The following DCAF8L2 variants were observed in gnomAD, a reference collection of about 807,000 sequenced individuals.
The protein encoded by DCAF8L2 is DDB1 and CUL4 associated factor 8 like 2.
For synonymous variants in DCAF8L2, 200 were observed against 190.9 expected (o/e 1.05, Z -0.39); for missense variants, 430 against 490.7 (o/e 0.88, Z 1.17).
At chrX:27,530,649 C>A in the DCAF8L2 span, among the ~76,000 whole-genome samples, 8 of 111,433 alleles carry the variant, frequency 7.2e-5, no homozygotes, top group East Asian at 2.0e-3. Flanking sequence ...AGGATGGAGA[C>A]AAATTGATGT....
intron 1 of DCAF8L2, among the ~76,000 whole-genome samples, chrX:27,597,656 C>T (rs770246255): frequency 2.2e-4 from 25 of 112,102 alleles, no homozygotes; most frequent in African/African-American, 8.1e-4. Context: ...GAATGAATCG[C>T]ATTCCATTTT....
the DCAF8L2 span, among the ~76,000 whole-genome samples, chrX:27,575,247 C>T: frequency 9.0e-6 from 1 of 111,255 alleles, no homozygotes; most frequent in African/African-American, 3.3e-5. Context: ...CCTCGATGTC[C>T]TCTCATCGTC....
At chrX:27,542,054 C>T in the DCAF8L2 span, among the ~76,000 whole-genome samples, 48,500 of 103,078 alleles carry the variant, frequency 0.47, 8,913 homozygotes, top group South Asian at 0.75. Flanking sequence ...GCATAGTATT[C>T]CATAGTACAT....
At chrX:27,537,443 T>C in the DCAF8L2 span, among the ~76,000 whole-genome samples, 4 of 112,576 alleles carry the variant, frequency 3.6e-5, no homozygotes, top group East Asian at 1.1e-3. Context: ...GAAATTCTAG[T>C]TAAAGTTTGA....
chrX:27,541,184 G>T, the DCAF8L2 span, among the ~76,000 whole-genome samples: 13 of 111,305 alleles, frequency 1.2e-4, 1 homozygote, highest in African/African-American at 4.2e-4. Flanking sequence ...AGGGGAAATT[G>T]TCAATTTTTG....
At chrX:27,651,035 C>A in intron 2 of DCAF8L2, among the ~76,000 whole-genome samples, 1 of 111,707 alleles carries the variant, frequency 9.0e-6, no homozygotes, top group Non-Finnish European at 1.9e-5. Context: ...AAGCTTTTAC[C>A]ACATCTATTG....
At chrX:27,515,903 C>T in the DCAF8L2 span, among the ~76,000 whole-genome samples, 1 of 112,049 alleles carries the variant, frequency 8.9e-6, no homozygotes, top group Non-Finnish European at 1.9e-5. Context: ...ACAACAGTCA[C>T]TTCAAGGTTA....
At chrX:27,483,562 T>C in the DCAF8L2 span, among the ~76,000 whole-genome samples, 1 of 111,246 alleles carries the variant, frequency 9.0e-6, no homozygotes, top group Non-Finnish European at 1.9e-5. Context: ...CTTTCCACTT[T>C]ACTTTTGTCC....
At chrX:27,622,025 T>TAAAAAAAAAAAAAA (rs1569163104) in intron 1 of DCAF8L2, among the ~76,000 whole-genome samples, 5 of 108,948 alleles carry the variant, frequency 4.6e-5, no homozygotes, top group African/African-American at 1.4e-4. Context: ...AAGATGTTAG[T>TAAAAAAAAAAAAAA]AAGAATATAT....
intron 2 of DCAF8L2, among the ~76,000 whole-genome samples, chrX:27,643,816 T>C (rs1248179593): frequency 1.8e-5 from 2 of 111,852 alleles, no homozygotes; most frequent in Non-Finnish European, 3.8e-5. Context: ...TTGATTTTTT[T>C]GGCTGAAGAA....
intron 1 of DCAF8L2, among the ~76,000 whole-genome samples, chrX:27,599,286 T>G (rs1421134315): frequency 2.7e-5 from 3 of 111,578 alleles, no homozygotes; most frequent in Admixed American, 1.9e-4. Context: ...AAATACTATG[T>G]GATTCCACCT....
At chrX:27,537,946 A>G in the DCAF8L2 span, among the ~76,000 whole-genome samples, 78 of 112,019 alleles carry the variant, frequency 7.0e-4, no homozygotes, top group African/African-American at 2.2e-3. Context: ...TTATTTCACC[A>G]TATGATCCTT....
At chrX:27,576,209 A>G in the DCAF8L2 span, among the ~76,000 whole-genome samples, 27 of 111,996 alleles carry the variant, frequency 2.4e-4, no homozygotes, top group Non-Finnish European at 5.1e-4. Context: ...AAAAATATAT[A>G]ACGTATTCAA....
chrX:27,506,180 T>C, the DCAF8L2 span, among the ~76,000 whole-genome samples: 3 of 111,786 alleles, frequency 2.7e-5, no homozygotes, highest in Non-Finnish European at 5.6e-5. Context: ...AAAAATGTTA[T>C]CACACATTTA....
chrX:27,528,054 T>C, the DCAF8L2 span, among the ~76,000 whole-genome samples: 1 of 88,456 alleles, frequency 1.1e-5, no homozygotes, highest in African/African-American at 5.4e-5. Flanking sequence ...AATTAATTAT[T>C]AAATTAAATT....
chrX:27,596,589 A>G (rs1023454193), intron 1 of DCAF8L2, among the ~76,000 whole-genome samples: 6 of 111,611 alleles, frequency 5.4e-5, no homozygotes, highest in African/African-American at 2.0e-4. Flanking sequence ...TTGCTATGAA[A>G]AAGTTCACCT....
the DCAF8L2 span, among the ~76,000 whole-genome samples, chrX:27,583,987 T>A: frequency 8.9e-6 from 1 of 111,961 alleles, no homozygotes; most frequent in Non-Finnish European, 1.9e-5. Flanking sequence ...CTCTAGGAAC[T>A]CAGTGATCTA....
the DCAF8L2 span, among the ~76,000 whole-genome samples, chrX:27,567,382 ATTTAC>A: frequency 3.0e-3 from 321 of 106,241 alleles, 1 homozygote; most frequent in African/African-American, 0.011. Context: ...ATGTGTCAAT[ATTTAC>A]TTTATATTTT....
chrX:27,667,530 ATAGCTTATATG>A (rs1341206350), intron 2 of DCAF8L2, among the ~76,000 whole-genome samples: 2 of 111,719 alleles, frequency 1.8e-5, no homozygotes, highest in African/African-American at 6.5e-5. Context: ...ACAGTACTAG[ATAGCTTATATG>A]TAACTGTGAG....
Sources: gnomAD v4.1 joint callset for allele counts (sites outside exome capture counted in the v4.1 genomes callset) on GRCh38, gnomAD v4.1.1 for gene constraint, MANE v1.5 for transcripts, NCBI Gene and HGNC (gene_info 2026-07-23, HGNC 2026-07-21) for gene names.